MASTL: variants seen among roughly 807,000 people sequenced by gnomAD.
MASTL encodes microtubule associated serine/threonine kinase like, also known as serine/threonine-protein kinase greatwall.
MASTL carries 54 observed loss-of-function variants against 82.5 expected under a neutral mutation model. That is an observed-to-expected ratio of 0.65 (90% CI 0.53 to 0.82). The LOEUF is 0.82. Among genes scored for constraint, MASTL ranks in the 40% least tolerant of loss-of-function variants. MASTL has a pLI of 0.00. For synonymous variants in MASTL, 323 were observed against 368.9 expected (o/e 0.88, Z 1.43); for missense variants, 950 against 1,047.8 (o/e 0.91, Z 1.29).
intron 9 of MASTL, chr10:27,177,678 C>G (rs2058143451): frequency 5.5e-6 from 1 of 180,856 alleles, no homozygotes; most frequent in Non-Finnish European, 1.1e-5. Context: ...AGAGATTTTT[C>G]TTAATCGTCT....
chr10:27,166,139 G>A (rs751409791), intron 6 of MASTL, among the ~76,000 whole-genome samples: 3 of 151,888 alleles, frequency 2.0e-5, no homozygotes, highest in Non-Finnish European at 2.9e-5. Context: ...CACAGGAGGC[G>A]GAGACTGCAG....
chr10:27,181,545 T>G lies in MASTL; in HGVS notation c.2446T>G (p.Leu816Val), dbSNP rs1459958939. The G allele has an allele frequency of 1.9e-6, 3 of 1,612,956 alleles. No individual in the cohort carries two copies. The highest frequency in any genetic ancestry group is 3.3e-5 in the Admixed American group (2 of 60,016). Residue 816 changes from leucine to valine, a missense_variant, in exon 11 of 12, where the codon TTA (leucine) becomes GTA (valine). Physicochemically the swap from Leu to Val is conservative, Grantham distance 32. Coordinates refer to ENST00000375940, the MANE Select transcript of MASTL (RefSeq NM_001172303.3). ...TGCTCAAAGTGCAGTAGAAATACTT[T>G]TAACCATTGATGATACAAAGAGAGC... ...DNAQSAVEIL[L>V]TIDDTKRAGM...
chr10:27,176,834 T>A (rs1213802608), intron 9 of MASTL, among the ~76,000 whole-genome samples: 3 of 139,724 alleles, frequency 2.1e-5, no homozygotes, highest in African/African-American at 8.0e-5. Context: ...AGACTGTGAG[T>A]TTTCTTTCTT....
rs754895479 is a variant in MASTL, at chr10:27,170,668, A to G, written c.1709A>G (p.Asp570Gly). 101 of 1,611,482 alleles carry G rather than the reference A, an allele frequency of 6.3e-5. No individual in the cohort carries two copies. Among genetic ancestry groups the G allele is most frequent in the Non-Finnish European group, 8.3e-5 (98 of 1,179,416 alleles). Residue 570 changes from aspartate (D) to glycine (G), a missense_variant, in exon 8 of 12, where the codon GAT (aspartate) becomes GGT (glycine). Asp to Gly is a moderately conservative substitution (Grantham distance 94). Transcript: ENST00000375940. ...TCTAAAAATATTTCTATGAACTCTG[A>G]TTCATCTTTTCCTGGAATTTCTATA... is the stretch of plus-strand genomic sequence containing the variant. ...RASKNISMNS[D>G]SSFPGISIME...
chr10:27,173,286 G>T (rs1384042233), intron 9 of MASTL, 27 bp downstream of exon 9: 41 of 1,613,620 alleles, frequency 2.5e-5, no homozygotes, highest in Non-Finnish European at 3.5e-5. Flanking sequence ...TTGAGTTTTT[G>T]AAGTGTTATC....
intron 1 of MASTL, 62 bp from the exon 2 acceptor site, chr10:27,158,487 G>A: frequency 7.3e-7 from 1 of 1,363,628 alleles, no homozygotes; most frequent in South Asian, 1.2e-5. Flanking sequence ...GCCTGGGCAA[G>A]AGAATGAGAC....
chr10:27,156,216 G>C (rs1474399242), intron 1 of MASTL, among the ~76,000 whole-genome samples: 1 of 151,960 alleles, frequency 6.6e-6, no homozygotes, highest in Non-Finnish European at 1.5e-5. Flanking sequence ...AGTAGAGACG[G>C]GGTTTCACCG....
chr10:27,163,543 A>G (rs992247060), intron 4 of MASTL, among the ~76,000 whole-genome samples: 2 of 152,034 alleles, frequency 1.3e-5, no homozygotes. Flanking sequence ...GTGTATTATT[A>G]TTATCACTTC....
chr10:27,155,293 G>A, upstream of MASTL: 1 of 862,770 alleles, frequency 1.2e-6, no homozygotes, highest in Non-Finnish European at 1.8e-6. Context: ...GGGAGGTGAC[G>A]AGGGCGGGGC....
At chr10:27,182,742 CA>C (rs1029029574) in intron 11 of MASTL, among the ~76,000 whole-genome samples, 6 of 149,692 alleles carry the variant, frequency 4.0e-5, no homozygotes, top group Non-Finnish European at 5.9e-5. Flanking sequence ...GACTCTGGCT[CA>C]AAAAAAATTA....
intron 8 of MASTL, 64 bp downstream of exon 8, chr10:27,171,147 G>C (rs1015642729): frequency 7.3e-7 from 1 of 1,369,812 alleles, no homozygotes; most frequent in Non-Finnish European, 1.0e-6. Flanking sequence ...ACAGACATTT[G>C]CCTCTAAGCT....
intron 1 of MASTL, among the ~76,000 whole-genome samples, chr10:27,156,346 G>A (rs1338669870): frequency 6.6e-6 from 1 of 151,658 alleles, no homozygotes; most frequent in Non-Finnish European, 1.5e-5. Context: ...AAATCCAAAA[G>A]GTTTTTAGTA....
chr10:27,186,267 A>G, intron 11 of MASTL, 112 bp from the exon 12 acceptor site: 2 of 1,113,204 alleles, frequency 1.8e-6, no homozygotes, highest in Non-Finnish European at 2.7e-6. Context: ...AAACTGACAT[A>G]ATAAAGTAAG....
chr10:27,167,247 C>T lies in MASTL; in HGVS notation c.957C>T (p.Ser319=), dbSNP rs1241671487. The T allele has an allele frequency of 6.2e-7, 1 of 1,613,932 alleles. No individual in the cohort carries two copies. The highest frequency in any genetic ancestry group is 2.2e-5 in the East Asian group (1 of 44,892). ...CCAGTGTGGAATCAGAATGCCACAG[C>T]AGTCCCAAATGGGAAAAAGATTGCC... ...FISSVESECH[S]SPKWEKDCQE... is the part of the protein sequence containing the mutation. Residue 319 remains serine (S), a synonymous_variant, in exon 7 of 12, where the codon AGC becomes AGT. Transcript: ENST00000375940.
chr10:27,183,352 C>T (rs373368893), intron 11 of MASTL, among the ~76,000 whole-genome samples: 8 of 152,030 alleles, frequency 5.3e-5, no homozygotes, highest in African/African-American at 7.2e-5. Flanking sequence ...GGTGTGATCT[C>T]GGCTCACTGC....
chr10:27,182,465 C>T (rs905121129), intron 11 of MASTL, among the ~76,000 whole-genome samples: 6 of 151,908 alleles, frequency 3.9e-5, no homozygotes, highest in Non-Finnish European at 5.9e-5. Flanking sequence ...TTTTATTAAT[C>T]GGTGGGTGTG....
rs1317700406 is a variant in MASTL at position 27,181,082 on chromosome 10, C to G, written c.2380+16C>G. 1 of 1,517,854 alleles carries G rather than the reference C, an allele frequency of 6.6e-7. No homozygotes were observed. The highest frequency in any genetic ancestry group is 1.7e-5 in the Admixed American group (1 of 59,860). 94.0% of individuals were successfully genotyped at this position (1,517,854 alleles called of 1,614,324 possible). A position where few individuals can be genotyped will look rare whatever the true frequency, so the allele number is the denominator to read the frequency against. ...CTGAAAAGAGGTGATTCTTTTTCTCCTATTAAGATAGTCATTTACTGGCTG... is the reference window on the plus strand; with the variant it reads ...CTGAAAAGAGGTGATTCTTTTTCTCGTATTAAGATAGTCATTTACTGGCTG... On this transcript the variant is annotated intron_variant, in intron 10 of 11. Transcript: ENST00000375940.
rs777522211 is a variant in MASTL, at chr10:27,160,403, CA to C, written c.464+648del. On this transcript the variant is annotated intron_variant, in intron 3 of 11. Coordinates refer to ENST00000375940, the MANE Select transcript of MASTL (RefSeq NM_001172303.3). The stretch of plus-strand genomic sequence containing the variant: ...CTGATTTACAATGTTTTTCTCTATG[CA>C]AAGAAAGTCAGATTAAGTGACTTAT... 2.2e-3 allele frequency among the ~76,000 whole-genome samples: 333 copies of C among 152,038 alleles called. 4 individuals are homozygous for C. Among genetic ancestry groups the C allele is most frequent in the Non-Finnish European group, 2.0e-3 (134 of 67,984 alleles).
At chr10:27,167,313 A>G (rs1411443378) in intron 7 of MASTL, 39 bp downstream of exon 7, 1 of 1,520,846 alleles carries the variant, frequency 6.6e-7, no homozygotes, top group African/African-American at 1.4e-5. Flanking sequence ...TCAATTATGT[A>G]TGTCAAATGA....
Sources: allele counts gnomAD v4.1 joint callset (sites outside exome capture counted in the v4.1 genomes callset), GRCh38; gene constraint gnomAD v4.1.1; transcripts MANE v1.5; gene names NCBI Gene and HGNC (gene_info 2026-07-23, HGNC 2026-07-21).